ZNF165: variants seen among roughly 807,000 people sequenced by gnomAD.
ZNF165 encodes the protein cancer/testis antigen 53.
In ZNF165, 14 loss-of-function variants were observed where a neutral mutation model predicts 19.6. The ratio of observed to expected loss-of-function variants is 0.71; its 90% CI spans 0.47 to 1.12. The LOEUF is 1.12. Ranked by LOEUF, ZNF165 falls within the 50% of genes most tolerant of loss-of-function variation. The probability of loss-of-function intolerance (pLI) is 0.00; values close to 1 mark genes in which losing one functional copy is unlikely to be tolerated. For synonymous variants in ZNF165, 165 were observed against 195.0 expected (o/e 0.85, Z 1.28); for missense variants, 504 against 566.3 (o/e 0.89, Z 1.12).
At chr6:28,082,447 C>A (rs781761021) in intron 1 of ZNF165, among the ~76,000 whole-genome samples, 2 of 152,150 alleles carry the variant, frequency 1.3e-5, no homozygotes, top group Non-Finnish European at 2.9e-5. Context: ...GAGATTTACC[C>A]ACTTATTTAT....
chr6:28,085,221 TTTATC>T (rs1764248040), intron 1 of ZNF165, among the ~76,000 whole-genome samples: 3 of 152,222 alleles, frequency 2.0e-5, no homozygotes, highest in African/African-American at 4.8e-5. Context: ...TTGTTTCTAA[TTTATC>T]TTATTTTTAA....
At chr6:28,084,233 C>G (rs557252570) in intron 1 of ZNF165, among the ~76,000 whole-genome samples, 2 of 152,374 alleles carry the variant, frequency 1.3e-5, no homozygotes, top group African/African-American at 4.8e-5. Flanking sequence ...AGCCCAGTGT[C>G]ATATTCAGAC....
intron 1 of ZNF165, among the ~76,000 whole-genome samples, chr6:28,083,000 A>G (rs200296342): frequency 2.2e-5 from 2 of 89,504 alleles, no homozygotes; most frequent in Non-Finnish European, 4.8e-5. Context: ...AGTTGATAAA[A>G]AAACAGCCAA....
At position 28,083,299 on chromosome 6, in the gene ZNF165, T is replaced by A. The variant is rs188631162; in HGVS notation, c.1-2182T>A. Among the ~76,000 whole-genome samples the A allele has an allele frequency of 2.6e-5, 4 of 152,372 alleles. No homozygotes were observed. In the East Asian group the frequency reaches 7.7e-4, roughly 29 times the overall value. Reference sequence around the variant, plus strand: ...TCTTCAAAGAATCAGTATGTCAGTATGTTCAGTTCTTTGTTCTCCACTTTA... The same window carrying A: ...TCTTCAAAGAATCAGTATGTCAGTAAGTTCAGTTCTTTGTTCTCCACTTTA... On this transcript the variant is annotated intron_variant, in intron 1 of 3. Transcript: ENST00000683778.
rs1241030107 is a variant in ZNF165 at position 28,089,468 on chromosome 6, T to C, written c.1456T>C (p.Ter486GlnextTer3). Residue 486 changes from the stop codon to glutamine (Q), a stop_lost, in exon 4 of 4, where the codon TAA becomes CAA. Coordinates refer to ENST00000683778, the MANE Select transcript of ZNF165 (RefSeq NM_001376491.1). ...TCACATGAGGGAAAACCTATTAATGTAAGGAACTTAAATTTGTAAGTAAAT... is the reference window on the plus strand; with the variant it reads ...TCACATGAGGGAAAACCTATTAATGCAAGGAACTTAAATTTGTAAGTAAAT... Reference protein sequence around the residue: ...RIHMRENLLM* With the variant: ...RIHMRENLLMQ 1.9e-6 allele frequency: 3 copies of C among 1,560,936 alleles called. No individual in the cohort carries two copies. The African/African-American group carries it at 4.1e-5, about 21-fold the overall frequency.
At chr6:28,082,027 A>T (rs564789615) in intron 1 of ZNF165, among the ~76,000 whole-genome samples, 1 of 152,352 alleles carries the variant, frequency 6.6e-6, no homozygotes, top group East Asian at 1.9e-4. Context: ...GATCATGCTC[A>T]TTAAGCATTA....
rs756589866 is a variant in ZNF165 at position 28,084,120 on chromosome 6, GA to G, written c.1-1360del. 7.8e-4 allele frequency among the ~76,000 whole-genome samples: 119 copies of G among 152,204 alleles called. 1 individual carries two copies. The highest frequency in any genetic ancestry group is 5.1e-3 in the Admixed American group (78 of 15,276). On this transcript the variant is annotated intron_variant, in intron 1 of 3. Transcript: ENST00000683778. ...AGATTTTCCAGGCATATACTATACTGACCAAGTTACCATCTCTAGGAGCAGG... is the reference window on the plus strand; with the variant it reads ...AGATTTTCCAGGCATATACTATACTGCCAAGTTACCATCTCTAGGAGCAGG...
Position 28,085,703 on chromosome 6 carries a change from T to C in ZNF165, c.223T>C (p.Cys75Arg). 4 of 1,614,046 alleles carry C rather than the reference T, an allele frequency of 2.5e-6. No homozygotes were observed. The South Asian group carries it at 4.4e-5, about 18-fold the overall frequency. ...EALSRLRELC[C>R]QWLKPEIHTK... Reference sequence around the variant, plus strand: ...ACTGAGCCGCCTCCGGGAGCTCTGCTGTCAGTGGCTGAAGCCAGAGATCCA... The same window carrying C: ...ACTGAGCCGCCTCCGGGAGCTCTGCCGTCAGTGGCTGAAGCCAGAGATCCA... Residue 75 changes from cysteine (C) to arginine (R), a missense_variant, in exon 2 of 4, where the codon TGT becomes CGT. Cys to Arg is a radical substitution (Grantham distance 180). Transcript: ENST00000683778.
At chr6:28,080,378 T>C (rs1764124433), upstream of ZNF165, among the ~76,000 whole-genome samples, 1 of 151,902 alleles carries the variant, frequency 6.6e-6, no homozygotes, top group African/African-American at 2.4e-5. Flanking sequence ...TGTATCTTTT[T>C]CTTCTTCTTC....
rs750764495 is a variant in ZNF165, at chr6:28,089,175, C to A, written c.1163C>A (p.Thr388Asn). The change falls in exon 4 of 4, where the codon ACT (threonine) becomes AAT (asparagine). Residue 388 changes from threonine to asparagine, a missense_variant. Transcript: ENST00000683778. ...AGCTTTGCAGAGAGCTCAGATCTTA[C>A]TAGACATCGGCGAATTCACACTGGG... is the stretch of plus-strand genomic sequence containing the variant. ...GKSFAESSDL[T>N]RHRRIHTGER... 6.2e-7 allele frequency: 1 copy of A among 1,614,032 alleles called. No individual in the cohort carries two copies. The highest frequency in any genetic ancestry group is 1.3e-5 in the African/African-American group (1 of 74,902).
rs1764386621 is a variant in ZNF165, at chr6:28,089,545, G to A, written c.*75G>A. ...ATATTAAATAAAAAATAAATATTGG[G>A]CAAGATGGAAGACTGAAAGACCAGT... On this transcript the variant is annotated 3_prime_UTR_variant, in exon 4 of 4. Transcript: ENST00000683778. The A allele has an allele frequency of 6.5e-6, 9 of 1,391,312 alleles. No homozygotes were observed. Among genetic ancestry groups the A allele is most frequent in the South Asian group, 1.6e-5 (1 of 62,976 alleles). The allele number at this position is 1,391,312 out of a possible 1,614,324, so 86.2% of individuals were successfully genotyped here.
rs10456361 is a variant in ZNF165 at position 28,080,570 on chromosome 6, T to C, written c.-401T>C. The stretch of plus-strand genomic sequence containing the variant: ...TTTTTTTTTTTTTTTTTTTTTTGTA[T>C]TTTTAGTAGACACAGGGTGTCACCG... On this transcript the variant is annotated 5_prime_UTR_variant, in exon 1 of 4. Transcript: ENST00000683778. 1 of 144,542 alleles carries C rather than the reference T, an allele frequency of 6.9e-6. No individual in the cohort carries two copies. The highest frequency in any genetic ancestry group is 2.3e-4 in the South Asian group (1 of 4,436). 9.0% of individuals were successfully genotyped at this position (144,542 alleles called of 1,614,324 possible).
chr6:28,083,742 G>A (rs1016228426), intron 1 of ZNF165, among the ~76,000 whole-genome samples: 3 of 152,042 alleles, frequency 2.0e-5, no homozygotes, highest in Non-Finnish European at 4.4e-5. Flanking sequence ...ATTCATGTTC[G>A]AGTGCTATTT....
chr6:28,087,673 C>T (rs533696186), intron 3 of ZNF165, among the ~76,000 whole-genome samples: 1 of 152,308 alleles, frequency 6.6e-6, no homozygotes, highest in African/African-American at 2.4e-5. Flanking sequence ...CTCTTTCCTG[C>T]CCTAGCGTAT....
chr6:28,088,526 G>A (rs764662386), intron 3 of ZNF165, 37 bp from the exon 4 acceptor site: 4 of 1,538,916 alleles, frequency 2.6e-6, no homozygotes, highest in Middle Eastern at 4.0e-4. Context: ...TTTTCGTGCA[G>A]CAAACAGGTA....
intron 3 of ZNF165, among the ~76,000 whole-genome samples, chr6:28,087,021 C>T (rs1318883144): frequency 1.3e-5 from 2 of 151,948 alleles, no homozygotes; most frequent in African/African-American, 2.4e-5. Flanking sequence ...TAACATAGAC[C>T]GTGATCCATA....
chr6:28,086,912 C>A (rs1764290358), intron 3 of ZNF165, among the ~76,000 whole-genome samples: 1 of 152,036 alleles, frequency 6.6e-6, no homozygotes, highest in African/African-American at 2.4e-5. Flanking sequence ...AAAAGAAATA[C>A]ATGGACAGAA....
intron 1 of ZNF165, among the ~76,000 whole-genome samples, chr6:28,081,738 C>G (rs1188033867): frequency 6.6e-6 from 1 of 152,058 alleles, no homozygotes; most frequent in African/African-American, 2.4e-5. Context: ...TTACTCGTTC[C>G]TCTCTGTTCT....
rs1169299127 is a variant in ZNF165, at chr6:28,088,724, G to A, written c.712G>A (p.Glu238Lys). ...KSAGRVKRQW[E>K]KESGESQRLS... ...TGCAGGCAGGGTAAAGAGACAATGG[G>A]AAAAAGAATCAGGGGAGTCTCAGAG... Residue 238 changes from glutamate to lysine, a missense_variant, in exon 4 of 4, where the codon GAA becomes AAA. Glu to Lys is a moderately conservative substitution (Grantham distance 56). Coordinates refer to ENST00000683778, the MANE Select transcript of ZNF165 (RefSeq NM_001376491.1). 1.2e-5 allele frequency: 20 copies of A among 1,614,116 alleles called. No homozygotes were observed. Among genetic ancestry groups the A allele is most frequent in the Non-Finnish European group, 1.6e-5 (19 of 1,180,020 alleles).
Sources: gnomAD v4.1 joint callset for allele counts (sites outside exome capture counted in the v4.1 genomes callset) on GRCh38, gnomAD v4.1.1 for gene constraint, MANE v1.5 for transcripts, NCBI Gene and HGNC (gene_info 2026-07-23, HGNC 2026-07-21) for gene names.